The following CNTN5 variants were observed in gnomAD, a reference collection of about 807,000 sequenced individuals.
CNTN5 encodes the protein contactin-5.
In CNTN5, 77 loss-of-function variants were observed where a neutral mutation model predicts 129.1. That is an observed-to-expected ratio of 0.60 (90% CI 0.50 to 0.72). The LOEUF (loss-of-function observed/expected upper bound fraction) is 0.72, where lower values mean the gene tolerates loss of function less well. CNTN5 is among the 30% of genes least tolerant of loss of function. The pLI, the probability that CNTN5 is intolerant of heterozygous loss-of-function variation, is 0.00. For missense variants in CNTN5, 1,478 were observed against 1,328.8 expected, an observed-to-expected ratio of 1.11 and a Z score of -1.75; for synonymous variants, 509 against 465.6, an observed-to-expected ratio of 1.09 and a Z score of -1.20.
chr11:99,093,812 A>G (rs945633824), intron 1 of CNTN5, among the ~76,000 whole-genome samples: 2 of 151,988 alleles, frequency 1.3e-5, no homozygotes, highest in African/African-American at 4.8e-5. Flanking sequence ...GGTCAGGGCA[A>G]GTACAGTTAT....
intron 2 of CNTN5, among the ~76,000 whole-genome samples, chr11:99,544,794 A>G (rs1002535318): frequency 5.9e-5 from 9 of 152,202 alleles, no homozygotes; most frequent in Admixed American, 5.2e-4. Context: ...CAGAATTCAG[A>G]TTTCTTTACT....
intron 13 of CNTN5, among the ~76,000 whole-genome samples, chr11:100,106,490 G>T (rs1945436695): frequency 1.3e-5 from 2 of 152,082 alleles, no homozygotes; most frequent in South Asian, 4.2e-4. Context: ...GGGAATGAGG[G>T]AGGAGGGAAT....
At chr11:99,602,293 T>G (rs7127851) in intron 3 of CNTN5, among the ~76,000 whole-genome samples, 6,392 of 152,152 alleles carry the variant, frequency 0.042, 152 homozygotes, top group Middle Eastern at 0.048. Flanking sequence ...ATAATAATAA[T>G]AAGAAACATA....
Position 99,781,836 on chromosome 11 carries a change from A to G in CNTN5, c.56-37708A>G, listed in dbSNP as rs2135389964. Among the ~76,000 whole-genome samples the G allele has an allele frequency of 2.0e-5, 3 of 152,280 alleles. No individual in the cohort carries two copies. The Middle Eastern group carries it at 0.01, about 518-fold the overall frequency. ...TTGATGGGACGTATCTCAAAATAATAAGAGCTATCTATGACAAACGCACAG... is the reference window on the plus strand; with the variant it reads ...TTGATGGGACGTATCTCAAAATAATGAGAGCTATCTATGACAAACGCACAG... On this transcript the variant is annotated intron_variant, in intron 3 of 24. Coordinates refer to ENST00000524871, the MANE Select transcript of CNTN5 (RefSeq NM_014361.4).
At chr11:100,334,283 G>C (rs1349457100) in intron 21 of CNTN5, among the ~76,000 whole-genome samples, 2 of 152,106 alleles carry the variant, frequency 1.3e-5, no homozygotes, top group Admixed American at 6.5e-5. Context: ...AAAAATAATA[G>C]ATGTTGGCGT....
In CNTN5 at chr11:100,237,354, G is replaced by T. The variant is rs367938544; in HGVS notation, c.2005+12542G>T. 3.7e-4 allele frequency among the ~76,000 whole-genome samples: 57 copies of T among 152,236 alleles called. No individual in the cohort carries two copies. In the East Asian group the frequency reaches 9.6e-3, roughly 26 times the overall value. On this transcript the variant is annotated intron_variant, in intron 16 of 24. Coordinates refer to ENST00000524871, the MANE Select transcript of CNTN5 (RefSeq NM_014361.4). ...CCAATCGTACTTTATTTCAGTCTGT[G>T]TTCCAAAATACTAAATTCTTAATTA...
intron 13 of CNTN5, among the ~76,000 whole-genome samples, chr11:100,091,253 C>A: frequency 6.6e-6 from 1 of 151,568 alleles, no homozygotes; most frequent in Non-Finnish European, 1.5e-5. Context: ...GCCTTATGGT[C>A]TCCTGAAATC....
At position 99,038,738 on chromosome 11, in the gene CNTN5, AAAG is replaced by A. The variant is rs1251035991; in HGVS notation, c.-210+17472_-210+17474del. On this transcript the variant is annotated intron_variant, in intron 1 of 24. Coordinates refer to ENST00000524871, the MANE Select transcript of CNTN5 (RefSeq NM_014361.4). ...TCTACAAAGTTAATACTTAACACAA[AAAG>A]AAGGATATATATTATTTTACAATCT... Among the ~76,000 whole-genome samples, 10 of 151,796 alleles carry A rather than the reference AAAG, an allele frequency of 6.6e-5. No homozygotes were observed. The South Asian group carries it at 1.2e-3, about 19-fold the overall frequency.
At chr11:99,165,402 C>T (rs746122522) in intron 1 of CNTN5, among the ~76,000 whole-genome samples, 13 of 152,156 alleles carry the variant, frequency 8.5e-5, no homozygotes, top group Middle Eastern at 3.4e-3. Context: ...GCATGTCAGG[C>T]CTTTTGGTAG....
chr11:99,043,434 TA>T (rs574214447), intron 1 of CNTN5, among the ~76,000 whole-genome samples: 163 of 150,534 alleles, frequency 1.1e-3, no homozygotes, highest in Middle Eastern at 6.9e-3. Context: ...TAAAGTATAA[TA>T]AAAAAAAAGA....
chr11:99,767,196 A>C (rs1327292765), intron 3 of CNTN5, among the ~76,000 whole-genome samples: 1 of 152,122 alleles, frequency 6.6e-6, no homozygotes, highest in East Asian at 1.9e-4. Context: ...ACATATATGC[A>C]CCACTATAAC....
chr11:99,715,558 G>C (rs1955182990), intron 3 of CNTN5, among the ~76,000 whole-genome samples: 1 of 151,844 alleles, frequency 6.6e-6, no homozygotes, highest in African/African-American at 2.4e-5. Context: ...CTGTTTTATG[G>C]CCTGTATAGT....
intron 2 of CNTN5, among the ~76,000 whole-genome samples, chr11:99,502,859 T>TC (rs1284171810): frequency 5.3e-5 from 8 of 152,176 alleles, no homozygotes; most frequent in African/African-American, 1.4e-4. Flanking sequence ...TGTCCTTTCT[T>TC]TAACATGTCT....
intron 3 of CNTN5, among the ~76,000 whole-genome samples, chr11:99,664,633 A>G (rs1952717494): frequency 6.6e-6 from 1 of 152,216 alleles, no homozygotes; most frequent in Admixed American, 6.5e-5. Context: ...AAGAATAAGT[A>G]TGGCTGCTTA....
chr11:100,009,852 T>C (rs1940418871), intron 9 of CNTN5, among the ~76,000 whole-genome samples: 1 of 152,186 alleles, frequency 6.6e-6, no homozygotes, highest in South Asian at 2.1e-4. Flanking sequence ...GGCTGAATAT[T>C]AAGAGTAGAA....
chr11:100,229,668 G>A (rs560056633), intron 16 of CNTN5, among the ~76,000 whole-genome samples: 1 of 152,304 alleles, frequency 6.6e-6, no homozygotes, highest in African/African-American at 2.4e-5. Context: ...TATATTGTTA[G>A]TTTATTTGAG....
chr11:100,146,845 T>C (rs1279338985), intron 13 of CNTN5, among the ~76,000 whole-genome samples: 1 of 152,166 alleles, frequency 6.6e-6, no homozygotes, highest in Non-Finnish European at 1.5e-5. Flanking sequence ...GTATACATAT[T>C]AGTAGAAATT....
At chr11:99,142,089 G>C (rs937665338) in intron 1 of CNTN5, among the ~76,000 whole-genome samples, 2 of 152,136 alleles carry the variant, frequency 1.3e-5, no homozygotes, top group African/African-American at 4.8e-5. Flanking sequence ...TGAAGGCTCA[G>C]TTCAGCACTC....
rs74343382 is a variant in CNTN5, at chr11:99,733,406, T to A, written c.56-86138T>A. ...ACTATGTCTCATTGCTCATGATGTT[T>A]TCTCCACAAAGTTCTTGAAGGCTGT... On this transcript the variant is annotated intron_variant, in intron 3 of 24. Coordinates refer to ENST00000524871, the MANE Select transcript of CNTN5 (RefSeq NM_014361.4). 0.012 allele frequency among the ~76,000 whole-genome samples: 1,558 copies of A among 134,036 alleles called. 79 individuals are homozygous for A. The East Asian group carries it at 0.12, about 11-fold the overall frequency. 87.9% of individuals were successfully genotyped at this position (134,036 alleles called of 152,430 possible).
Sources: allele counts gnomAD v4.1 joint callset (sites outside exome capture counted in the v4.1 genomes callset), GRCh38; gene constraint gnomAD v4.1.1; transcripts MANE v1.5; gene names NCBI Gene and HGNC (gene_info 2026-07-23, HGNC 2026-07-21).